The following TRAM2 variants were observed in gnomAD, a reference collection of about 807,000 sequenced individuals.
TRAM2 encodes translocation associated membrane protein 2, also known as translocating chain-associated membrane protein 2.
In TRAM2, 12 loss-of-function variants were observed where a neutral mutation model predicts 51.0. The observed-to-expected ratio is 0.24, with a 90% CI of 0.15 to 0.38. The LOEUF is 0.38. TRAM2 is among the 10% of genes least tolerant of loss of function. The pLI, the probability that TRAM2 is intolerant of heterozygous loss-of-function variation, is 1.00. For missense variants in TRAM2, 361 were observed against 462.0 expected (o/e 0.78, Z 2.00); for synonymous variants, 175 against 179.4 (o/e 0.98, Z 0.20).
chr6:52,516,571 C>G (rs1766553039), intron 3 of TRAM2, 57 bp downstream of exon 3: 1 of 1,453,256 alleles, frequency 6.9e-7, no homozygotes, highest in South Asian at 1.1e-5. Context: ...AGGCCAGGTC[C>G]TCCACCCCAA....
At chr6:52,531,803 A>C (rs1766897304) in intron 2 of TRAM2, among the ~76,000 whole-genome samples, 1 of 151,830 alleles carries the variant, frequency 6.6e-6, no homozygotes, top group Non-Finnish European at 1.5e-5. Flanking sequence ...TTCCTTCATC[A>C]CCCTGTTACA....
intron 1 of TRAM2, among the ~76,000 whole-genome samples, chr6:52,564,806 G>A (rs1767562532): frequency 6.6e-6 from 1 of 152,242 alleles, no homozygotes; most frequent in Non-Finnish European, 1.5e-5. Context: ...AAAGACAGAG[G>A]TGGGGAGAAA....
At chr6:52,571,323 C>T (rs1278028387) in intron 1 of TRAM2, among the ~76,000 whole-genome samples, 1 of 152,164 alleles carries the variant, frequency 6.6e-6, no homozygotes, top group Non-Finnish European at 1.5e-5. Flanking sequence ...GGCCCCTGCC[C>T]ATGAAGAAGC....
At chr6:52,510,156 T>G (rs1345972332) in intron 4 of TRAM2, among the ~76,000 whole-genome samples, 1 of 152,232 alleles carries the variant, frequency 6.6e-6, no homozygotes, top group East Asian at 1.9e-4. Context: ...AGCTGGACTC[T>G]GACACCTACC....
rs1023671644 is a variant in TRAM2 at position 52,503,113 on chromosome 6, A to G, written c.*84T>C. On this transcript the variant is annotated 3_prime_UTR_variant, in exon 11 of 11. Coordinates refer to ENST00000182527, the MANE Select transcript of TRAM2 (RefSeq NM_012288.4). ...TTTGAGACGGAGCATCACAGGCAGG[A>G]AGGAGGAGGCAGGGAGGGGGCCTGG... The G allele has an allele frequency of 2.6e-5, 30 of 1,149,196 alleles. No individual in the cohort carries two copies. The Admixed American group carries it at 2.9e-4, about 11-fold the overall frequency. 71.2% of individuals were successfully genotyped at this position (1,149,196 alleles called of 1,614,324 possible).
chr6:52,505,170 G>C (rs1242350008), intron 9 of TRAM2, among the ~76,000 whole-genome samples: 1 of 152,186 alleles, frequency 6.6e-6, no homozygotes, highest in African/African-American at 2.4e-5. Flanking sequence ...CTTAAAAGTG[G>C]AGCAACCCTG....
At chr6:52,515,398 A>C (rs958808409) in intron 4 of TRAM2, among the ~76,000 whole-genome samples, 5 of 152,228 alleles carry the variant, frequency 3.3e-5, no homozygotes, top group Middle Eastern at 3.2e-3. Context: ...GTTTACATAG[A>C]AAGGAGGGGA....
chr6:52,560,001 G>A (rs1205201385), intron 1 of TRAM2, among the ~76,000 whole-genome samples: 1 of 152,138 alleles, frequency 6.6e-6, no homozygotes, highest in East Asian at 1.9e-4. Flanking sequence ...AACACTTTGG[G>A]AAGCCGAGGC....
chr6:52,508,698 T>C (rs902075164), intron 5 of TRAM2, among the ~76,000 whole-genome samples: 1 of 152,206 alleles, frequency 6.6e-6, no homozygotes, highest in South Asian at 2.1e-4. Context: ...GGGAAGGTTC[T>C]AACTCAGCCC....
At chr6:52,569,860 CA>C (rs1443965631) in intron 1 of TRAM2, among the ~76,000 whole-genome samples, 4 of 152,118 alleles carry the variant, frequency 2.6e-5, no homozygotes, top group African/African-American at 9.7e-5. Flanking sequence ...CACTCAATTT[CA>C]AGACTTCTAC....
chr6:52,528,432 G>C (rs535143686), intron 2 of TRAM2, among the ~76,000 whole-genome samples: 2 of 152,026 alleles, frequency 1.3e-5, no homozygotes, highest in Non-Finnish European at 2.9e-5. Flanking sequence ...AGCTTGATAA[G>C]TGATGTCAAT....
At chr6:52,545,353 T>C (rs964965744) in intron 1 of TRAM2, among the ~76,000 whole-genome samples, 3 of 152,162 alleles carry the variant, frequency 2.0e-5, no homozygotes, top group African/African-American at 7.2e-5. Flanking sequence ...CGAGGCCCAT[T>C]AAGTAAGTCT....
At chr6:52,508,093 T>A in intron 6 of TRAM2, 141 bp downstream of exon 6, 2 of 732,376 alleles carry the variant, frequency 2.7e-6, no homozygotes, top group Non-Finnish European at 4.4e-6. Context: ...TGACTCAGCA[T>A]GTTGCTCAAT....
At chr6:52,505,895 GA>G in intron 8 of TRAM2, 136 bp downstream of exon 8, 3 of 1,401,580 alleles carry the variant, frequency 2.1e-6, no homozygotes, top group East Asian at 2.4e-5. Context: ...AGATGTTCCA[GA>G]AAAAAATAAC....
intron 1 of TRAM2, among the ~76,000 whole-genome samples, chr6:52,568,022 T>C (rs2114108874): frequency 6.6e-6 from 1 of 152,334 alleles, no homozygotes; most frequent in South Asian, 2.1e-4. Flanking sequence ...TACATGTCCA[T>C]GTTAAGAAGG....
chr6:52,508,186 G>C lies in TRAM2; in HGVS notation c.555+48C>G, dbSNP rs79109258. On this transcript the variant is annotated intron_variant, in intron 6 of 10. Transcript: ENST00000182527. ...GGTACCCCTGGGAATAGCAGGAGGG[G>C]AGTGGTCAATGAATGGCCTCCAAGA... 3,247 of 1,553,750 alleles carry C rather than the reference G, an allele frequency of 2.1e-3. 45 individuals are homozygous for C. In the African/African-American group the frequency reaches 0.036, roughly 17 times the overall value.
intron 1 of TRAM2, among the ~76,000 whole-genome samples, chr6:52,554,519 CAA>C (rs55641649): frequency 0.32 from 34,976 of 108,818 alleles, 5,185 homozygotes; most frequent in East Asian, 0.53. Flanking sequence ...GACCCCATCT[CAA>C]AAAAAAAAAA....
intron 1 of TRAM2, among the ~76,000 whole-genome samples, chr6:52,567,686 A>G (rs1346236426): frequency 6.6e-6 from 1 of 152,224 alleles, no homozygotes; most frequent in Non-Finnish European, 1.5e-5. Context: ...TAGTTTTGAA[A>G]CTTCAACATT....
Position 52,508,280 on chromosome 6 carries a change from T to C in TRAM2, c.509A>G (p.Tyr170Cys), listed in dbSNP as rs373265077. The C allele has an allele frequency of 6.2e-7, 1 of 1,613,970 alleles. No homozygotes were observed. Residue 170 changes from tyrosine (Y) to cysteine (C), a missense_variant, in exon 6 of 11, where the codon TAC (tyrosine) becomes TGC (cysteine). Tyr to Cys is a radical substitution (Grantham distance 194). Transcript: ENST00000182527. ...TAGCTCAGGAAGTGCGTGCAGCCAG[T>C]AGGCCAGCTGGCATAGGTAGAAAAA... ...VKFFYLCQLA[Y>C]WLHALPELYF... is the part of the protein sequence containing the mutation.
Sources: gnomAD v4.1 joint callset for allele counts (sites outside exome capture counted in the v4.1 genomes callset) on GRCh38, gnomAD v4.1.1 for gene constraint, MANE v1.5 for transcripts, NCBI Gene and HGNC (gene_info 2026-07-23, HGNC 2026-07-21) for gene names.